Variants in AP3M2 observed in about 807,000 individuals in gnomAD.
The protein encoded by AP3M2 is adaptor related protein complex 3 subunit mu 2.
In AP3M2, 28 loss-of-function variants were observed where a neutral mutation model predicts 41.6. That is an observed-to-expected ratio of 0.67 (90% CI 0.50 to 0.92). The LOEUF is 0.92. Among genes scored for constraint, AP3M2 ranks in the 40% least tolerant of loss-of-function variants. AP3M2 has a pLI of 0.00. For synonymous variants in AP3M2, 193 were observed against 186.4 expected (o/e 1.04, Z -0.29); for missense variants, 427 against 521.4 (o/e 0.82, Z 1.76).
intron 4 of AP3M2, among the ~76,000 whole-genome samples, chr8:42,162,943 C>CAAAAAAAAAAAAA (rs67923954): frequency 1.8e-5 from 1 of 54,224 alleles, no homozygotes; most frequent in African/African-American, 9.1e-5. Flanking sequence ...GACCCTGTCT[C>CAAAAAAAAAAAAA]AAAAAAAAAA....
intron 4 of AP3M2, among the ~76,000 whole-genome samples, chr8:42,163,347 T>C (rs913308487): frequency 3.3e-5 from 5 of 152,236 alleles, no homozygotes; most frequent in African/African-American, 7.2e-5. Flanking sequence ...AGTGAACTTA[T>C]TAAATTCAAC....
In AP3M2 at chr8:42,165,261, A is replaced by C. The variant is rs572431574; in HGVS notation, c.669+105A>C. The C allele has an allele frequency of 8.4e-6, 12 of 1,436,444 alleles. No individual in the cohort carries two copies. The South Asian group carries it at 1.4e-4, about 17-fold the overall frequency. The allele number at this position is 1,436,444 out of a possible 1,614,324, so 89.0% of individuals were successfully genotyped here. On this transcript the variant is annotated intron_variant, in intron 5 of 8. Coordinates refer to ENST00000396926, the MANE Select transcript of AP3M2 (RefSeq NM_006803.4). Reference sequence around the variant, plus strand: ...TAGAACAAGAAGAAATAATTAGGACAGCCACGAAGCTTGTCTCAGGCTTGA... The same window carrying C: ...TAGAACAAGAAGAAATAATTAGGACCGCCACGAAGCTTGTCTCAGGCTTGA...
chr8:42,161,562 C>T (rs983459485), intron 3 of AP3M2, among the ~76,000 whole-genome samples: 1 of 151,976 alleles, frequency 6.6e-6, no homozygotes, highest in African/African-American at 2.4e-5. Flanking sequence ...TAAGCCAAGA[C>T]TGCACCACTG....
At chr8:42,163,519 A>G (rs1375694855) in intron 4 of AP3M2, among the ~76,000 whole-genome samples, 1 of 152,222 alleles carries the variant, frequency 6.6e-6, no homozygotes, top group African/African-American at 2.4e-5. Flanking sequence ...GCAAAGTGCA[A>G]CAGAGAGGTG....
rs923469524 is a variant in AP3M2, at chr8:42,167,592, G to A, written c.1012-74G>A. Reference sequence around the variant, plus strand: ...ACAGGTGCCCTGAGTTTAGATCTCAGCCACCTCAAATGCAGGATTCTGCTG... The same window carrying A: ...ACAGGTGCCCTGAGTTTAGATCTCAACCACCTCAAATGCAGGATTCTGCTG... On this transcript the variant is annotated intron_variant, in intron 7 of 8. Transcript: ENST00000396926. The A allele has an allele frequency of 2.9e-5, 45 of 1,541,880 alleles. 1 individual carries two copies. The Middle Eastern group carries it at 7.0e-4, about 24-fold the overall frequency.
chr8:42,169,174 G>A lies in AP3M2; in HGVS notation c.*113G>A, dbSNP rs1215645871. 11 of 778,484 alleles carry A rather than the reference G, an allele frequency of 1.4e-5. No homozygotes were observed. Among genetic ancestry groups the A allele is most frequent in the South Asian group, 6.1e-5 (3 of 49,486 alleles). The allele number at this position is 778,484 out of a possible 1,614,324, so 48.2% of individuals were successfully genotyped here. A position where few individuals can be genotyped will look rare whatever the true frequency, so the allele number is the denominator to read the frequency against. On this transcript the variant is annotated 3_prime_UTR_variant, in exon 9 of 9. Transcript: ENST00000396926. ...GGTCAGTCCCCTCCTGGACCCACCC[G>A]CTCCCTTTTTTCCTTAGCCTTCAGT... is the stretch of plus-strand genomic sequence containing the variant.
chr8:42,164,958 A>T, intron 4 of AP3M2, 113 bp from the exon 5 acceptor site: 1 of 817,598 alleles, frequency 1.2e-6, no homozygotes, highest in Non-Finnish European at 1.9e-6. Context: ...AAGGGGAGGG[A>T]GAGAGAGGAA....
intron 2 of AP3M2, 76 bp downstream of exon 2, chr8:42,155,036 TC>T: frequency 8.1e-7 from 1 of 1,235,372 alleles, no homozygotes; most frequent in Non-Finnish European, 1.1e-6. Flanking sequence ...GTGTAAAGCC[TC>T]CATTAAGAAA....
intron 4 of AP3M2, among the ~76,000 whole-genome samples, chr8:42,163,691 T>TAGAC (rs1242072907): frequency 6.6e-6 from 1 of 152,148 alleles, no homozygotes; most frequent in East Asian, 1.9e-4. Context: ...CAGATGCAAT[T>TAGAC]TAGTCTAAGG....
intron 3 of AP3M2, among the ~76,000 whole-genome samples, chr8:42,159,212 T>C (rs1804441596): frequency 6.6e-6 from 1 of 152,232 alleles, no homozygotes; most frequent in Non-Finnish European, 1.5e-5. Flanking sequence ...ATTACCATTC[T>C]TACACTTGAA....
At chr8:42,165,771 C>T (rs1224259830) in intron 6 of AP3M2, 1 of 515,354 alleles carries the variant, frequency 1.9e-6, no homozygotes, top group East Asian at 3.2e-5. Flanking sequence ...GTGCCTTGTT[C>T]TGAAGATTGA....
At chr8:42,168,112 G>A (rs1587919076) in intron 8 of AP3M2, 2 of 535,484 alleles carry the variant, frequency 3.7e-6, no homozygotes, top group Non-Finnish European at 7.1e-6. Flanking sequence ...TTCATTTCAG[G>A]TTCCCAAGGT....
chr8:42,167,856 C>T, intron 8 of AP3M2, 46 bp downstream of exon 8: 2 of 1,570,370 alleles, frequency 1.3e-6, no homozygotes, highest in Non-Finnish European at 1.7e-6. Context: ...ACAAAAACGG[C>T]TTTCTGCCAT....
Position 42,165,905 on chromosome 8 carries a change from A to G in AP3M2, c.803+345A>G, listed in dbSNP as rs910478379. The G allele has an allele frequency of 2.5e-5, 5 of 196,854 alleles. No individual in the cohort carries two copies. In the Admixed American group the frequency reaches 2.8e-4, roughly 11 times the overall value. The allele number at this position is 196,854 out of a possible 1,614,324, so 12.2% of individuals were successfully genotyped here. On this transcript the variant is annotated intron_variant, in intron 6 of 8. Coordinates refer to ENST00000396926, the MANE Select transcript of AP3M2 (RefSeq NM_006803.4). Reference sequence around the variant, plus strand: ...ATCAGAATCTGGGCATACTGTGTTCAATGTCCCTGGTCTAAAAGAAGCATT... The same window carrying G: ...ATCAGAATCTGGGCATACTGTGTTCGATGTCCCTGGTCTAAAAGAAGCATT...
At chr8:42,163,389 A>C (rs1028877704) in intron 4 of AP3M2, among the ~76,000 whole-genome samples, 6 of 152,244 alleles carry the variant, frequency 3.9e-5, no homozygotes, top group African/African-American at 1.4e-4. Context: ...ATCATAGCAC[A>C]GTGCTAGATA....
At chr8:42,162,118 G>T in intron 3 of AP3M2, 163 bp from the exon 4 acceptor site, 1 of 545,516 alleles carries the variant, frequency 1.8e-6, no homozygotes, top group Non-Finnish European at 3.0e-6. Flanking sequence ...TTTAAAAATA[G>T]ACTAGGTTAC....
rs1247385032 is a variant in AP3M2, at chr8:42,167,384, A to G, written c.1011+13A>G. The G allele has an allele frequency of 6.2e-7, 1 of 1,612,556 alleles. No individual in the cohort carries two copies. Among genetic ancestry groups the G allele is most frequent in the Non-Finnish European group, 8.5e-7 (1 of 1,178,612 alleles). On this transcript the variant is annotated intron_variant, in intron 7 of 8. Transcript: ENST00000396926. ...CCCAGTCACAAAGGTAGGGATGAGC[A>G]GGACATCTTGAATTGCTGATGTTAA...
In AP3M2 at chr8:42,165,217, CAG is replaced by C. The variant is rs1587917310; in HGVS notation, c.669+64_669+65del. The C allele has an allele frequency of 2.6e-6, 4 of 1,548,924 alleles. No individual in the cohort carries two copies. In the East Asian group the frequency reaches 9.0e-5, roughly 35 times the overall value. On this transcript the variant is annotated intron_variant, in intron 5 of 8. Transcript: ENST00000396926. ...GAGAAATTAAATGCTGCTGGAAAGACAGAGTAGTGGGAATGGAATAGAACAAG... is the reference window on the plus strand; with the variant it reads ...GAGAAATTAAATGCTGCTGGAAAGACAGTAGTGGGAATGGAATAGAACAAG...
Position 42,169,351 on chromosome 8 carries a change from G to T in AP3M2, c.*290G>T. 4.1e-6 allele frequency: 1 copy of T among 243,048 alleles called. No homozygotes were observed. Among genetic ancestry groups the T allele is most frequent in the Non-Finnish European group, 7.8e-6 (1 of 127,982 alleles). The allele number at this position is 243,048 out of a possible 1,614,324, so 15.1% of individuals were successfully genotyped here. Reference sequence around the variant, plus strand: ...TTTTAAACGTGGTTTCTATAGGAAAGACCAACATTTGTTTAGCTTGCTTGG... The same window carrying T: ...TTTTAAACGTGGTTTCTATAGGAAATACCAACATTTGTTTAGCTTGCTTGG... On this transcript the variant is annotated 3_prime_UTR_variant, in exon 9 of 9. Coordinates refer to ENST00000396926, the MANE Select transcript of AP3M2 (RefSeq NM_006803.4).
Sources: allele counts gnomAD v4.1 joint callset (sites outside exome capture counted in the v4.1 genomes callset), GRCh38; gene constraint gnomAD v4.1.1; transcripts MANE v1.5; gene names NCBI Gene and HGNC (gene_info 2026-07-23, HGNC 2026-07-21).